GRIP1: variants seen among roughly 807,000 people sequenced by gnomAD.
GRIP1 encodes glutamate receptor-interacting protein 1.
A neutral mutation model predicts 129.9 loss-of-function variants in GRIP1; 45 were observed. The ratio of observed to expected loss-of-function variants is 0.35; its 90% CI spans 0.27 to 0.44. GRIP1 has a LOEUF of 0.44. Among genes scored for constraint, GRIP1 ranks in the 20% least tolerant of loss-of-function variants. GRIP1 has a pLI of 1.00. For missense variants in GRIP1, 1,196 were observed against 1,396.8 expected, an observed-to-expected ratio of 0.86 and a Z score of 2.29; for synonymous variants, 530 against 520.8, an observed-to-expected ratio of 1.02 and a Z score of -0.24.
intron 1 of GRIP1, among the ~76,000 whole-genome samples, chr12:66,906,302 G>T (rs1370757222): frequency 6.6e-6 from 1 of 151,652 alleles, no homozygotes; most frequent in African/African-American, 2.4e-5. Context: ...GGGCATGGTG[G>T]ACACACTTGT....
chr12:66,815,662 G>A (rs1245129488), intron 1 of GRIP1, among the ~76,000 whole-genome samples: 3 of 152,024 alleles, frequency 2.0e-5, no homozygotes, highest in African/African-American at 7.3e-5. Context: ...TACTTGGGAG[G>A]CTAAAGTGGG....
At chr12:66,386,179 G>T (rs549884549) in intron 19 of GRIP1, among the ~76,000 whole-genome samples, 2 of 152,188 alleles carry the variant, frequency 1.3e-5, no homozygotes, top group East Asian at 3.9e-4. Flanking sequence ...TTATTTTTAG[G>T]GTAACTATGC....
At chr12:66,450,303 CAAAAAAAAAA>C (rs143013040) in intron 11 of GRIP1, among the ~76,000 whole-genome samples, 29 of 26,812 alleles carry the variant, frequency 1.1e-3, no homozygotes, top group East Asian at 4.3e-3. Context: ...GACTCCATCT[CAAAAAAAAAA>C]AAAAAAAAAA....
intron 1 of GRIP1, among the ~76,000 whole-genome samples, chr12:66,869,203 G>A (rs2040254618): frequency 6.6e-6 from 1 of 151,772 alleles, no homozygotes; most frequent in African/African-American, 2.4e-5. Context: ...GTACTTAATA[G>A]GTACTCAATA....
At chr12:66,913,882 TTCATTCCTG>T (rs2041074227) in intron 1 of GRIP1, among the ~76,000 whole-genome samples, 1 of 152,216 alleles carries the variant, frequency 6.6e-6, no homozygotes, top group Non-Finnish European at 1.5e-5. Flanking sequence ...ATAATTCCTT[TTCATTCCTG>T]TCATCAAAGA....
In GRIP1 at chr12:66,886,311, G is replaced by A. The variant is rs1013652346; in HGVS notation, c.58+182739C>T. 3.3e-5 allele frequency among the ~76,000 whole-genome samples: 5 copies of A among 151,980 alleles called. No homozygotes were observed. The South Asian group carries it at 1.0e-3, about 32-fold the overall frequency. On this transcript the variant is annotated intron_variant, in intron 1 of 1. Coordinates refer to the GRIP1 transcript ENST00000643019. Reference sequence around the variant, plus strand: ...TATCCCCAAATCCTATATAATTGAGGCTTTTAAGGTAAAAATGCTCATGAG... The same window carrying A: ...TATCCCCAAATCCTATATAATTGAGACTTTTAAGGTAAAAATGCTCATGAG...
intron 1 of GRIP1, among the ~76,000 whole-genome samples, chr12:66,877,139 A>G (rs143180601): frequency 6.6e-6 from 1 of 152,140 alleles, no homozygotes; most frequent in Non-Finnish European, 1.5e-5. Flanking sequence ...ACGGCATCTG[A>G]GTTGCCAATA....
intron 13 of GRIP1, 32 bp downstream of exon 13, chr12:66,444,552 T>C: frequency 6.7e-7 from 1 of 1,487,602 alleles, no homozygotes; most frequent in Non-Finnish European, 9.4e-7. Context: ...ATAACTCACA[T>C]GCAGTCCACT....
intron 2 of GRIP1, among the ~76,000 whole-genome samples, chr12:66,543,904 C>A (rs1348083841): frequency 6.6e-6 from 1 of 151,984 alleles, no homozygotes; most frequent in Non-Finnish European, 1.5e-5. Context: ...CATGAAGAAG[C>A]AACTCTAAAA....
chr12:66,622,663 G>A (rs1458813496), intron 1 of GRIP1, among the ~76,000 whole-genome samples: 1 of 152,052 alleles, frequency 6.6e-6, no homozygotes, highest in East Asian at 1.9e-4. Context: ...CATGGCACAT[G>A]GTTTTCTCTG....
intron 1 of GRIP1, among the ~76,000 whole-genome samples, chr12:67,041,200 T>A (rs1001577137): frequency 3.3e-5 from 5 of 152,144 alleles, no homozygotes; most frequent in African/African-American, 1.2e-4. Flanking sequence ...TATACGTGTG[T>A]ATATATACAC....
At chr12:66,570,463 T>G (rs759745947) in intron 2 of GRIP1, among the ~76,000 whole-genome samples, 2 of 152,132 alleles carry the variant, frequency 1.3e-5, no homozygotes, top group Non-Finnish European at 2.9e-5. Context: ...TATCTCTAAG[T>G]CCTAGGTCCC....
chr12:66,487,447 C>T (rs1317289491), intron 7 of GRIP1, among the ~76,000 whole-genome samples: 1 of 152,144 alleles, frequency 6.6e-6, no homozygotes, highest in Non-Finnish European at 1.5e-5. Flanking sequence ...TTCATCACCA[C>T]CTCAAGCCTG....
Position 66,441,221 on chromosome 12 carries a change from A to G in GRIP1, c.1687+3363T>C, listed in dbSNP as rs147038593. Among the ~76,000 whole-genome samples the G allele has an allele frequency of 2.8e-4, 42 of 152,360 alleles. No homozygotes were observed. The East Asian group carries it at 7.9e-3, about 29-fold the overall frequency. On this transcript the variant is annotated intron_variant, in intron 13 of 24. Transcript: ENST00000359742. ...TCTCCATAGTATATTTAAGCTATCAATAGTGACTTTTGTCTTGAAATTCTT... is the reference window on the plus strand; with the variant it reads ...TCTCCATAGTATATTTAAGCTATCAGTAGTGACTTTTGTCTTGAAATTCTT...
At chr12:66,613,289 G>A (rs543299692) in intron 1 of GRIP1, among the ~76,000 whole-genome samples, 2 of 152,202 alleles carry the variant, frequency 1.3e-5, no homozygotes, top group Admixed American at 1.3e-4. Context: ...GAATGAGGGG[G>A]AAGATTTGCT....
intron 1 of GRIP1, among the ~76,000 whole-genome samples, chr12:66,835,583 G>A (rs1267167355): frequency 6.6e-6 from 1 of 152,168 alleles, no homozygotes; most frequent in Non-Finnish European, 1.5e-5. Flanking sequence ...AACAAGAAAT[G>A]AAGTATTAAG....
intron 1 of GRIP1, among the ~76,000 whole-genome samples, chr12:66,787,916 C>T (rs2038405825): frequency 6.6e-6 from 1 of 152,044 alleles, no homozygotes; most frequent in South Asian, 2.1e-4. Flanking sequence ...TACCATCAGC[C>T]AAGGCGCCTT....
intron 1 of GRIP1, among the ~76,000 whole-genome samples, chr12:66,845,442 G>A (rs1015711775): frequency 2.6e-5 from 4 of 152,178 alleles, no homozygotes; most frequent in Non-Finnish European, 4.4e-5. Flanking sequence ...GGGTGACAGA[G>A]TGAGACTCCT....
At chr12:66,535,539 G>T (rs1320275378) in intron 4 of GRIP1, among the ~76,000 whole-genome samples, 1 of 152,098 alleles carries the variant, frequency 6.6e-6, no homozygotes, top group Non-Finnish European at 1.5e-5. Flanking sequence ...GAAACTGAAG[G>T]CTCAGAGAAT....
Sources: allele counts gnomAD v4.1 joint callset (sites outside exome capture counted in the v4.1 genomes callset), GRCh38; gene constraint gnomAD v4.1.1; transcripts MANE v1.5; gene names NCBI Gene and HGNC (gene_info 2026-07-23, HGNC 2026-07-21).